The following MYO18A variants were observed in gnomAD, a reference collection of about 807,000 sequenced individuals.
The protein encoded by MYO18A is unconventional myosin-XVIIIa.
A neutral mutation model predicts 235.8 loss-of-function variants in MYO18A; 78 were observed. The observed-to-expected ratio is 0.33, with a 90% CI of 0.28 to 0.40. The LOEUF (loss-of-function observed/expected upper bound fraction) is 0.40. Ranked by LOEUF, MYO18A falls within the 10% of genes least tolerant of loss-of-function variation. The pLI is 1.00. For missense variants in MYO18A, 2,215 were observed against 2,699.3 expected (o/e 0.82, Z 3.98); for synonymous variants, 977 against 1,077.8 (o/e 0.91, Z 1.83).
intron 2 of MYO18A, among the ~76,000 whole-genome samples, chr17:29,136,251 ATAT>A (rs1312838795): frequency 0.27 from 17,464 of 64,960 alleles, 1,353 homozygotes; most frequent in East Asian, 0.51. Flanking sequence ...AAAAAAAAAA[ATAT>A]ATATATATAT....
At chr17:29,093,509 C>T in intron 31 of MYO18A, 82 bp from the exon 32 acceptor site, 1 of 1,078,002 alleles carries the variant, frequency 9.3e-7, no homozygotes, top group Non-Finnish European at 1.4e-6. Flanking sequence ...GGGTTCCCCA[C>T]TCCAGGAAAA....
chr17:29,115,916 T>A, intron 11 of MYO18A, 76 bp from the exon 12 acceptor site: 1 of 1,482,426 alleles, frequency 6.7e-7, no homozygotes, highest in South Asian at 1.3e-5. Flanking sequence ...GACCAGCTGA[T>A]GACTATGCAT....
At chr17:29,079,707 C>T in intron 41 of MYO18A, 1 of 985,952 alleles carries the variant, frequency 1.0e-6, no homozygotes, top group South Asian at 4.7e-5. Flanking sequence ...CATGCTGAAC[C>T]CAGGCCAGGT....
In MYO18A at chr17:29,092,945, G is replaced by T. The variant is rs1249587379; in HGVS notation, c.4983C>A (p.Thr1661=). 1.2e-6 allele frequency: 2 copies of T among 1,613,880 alleles called. No homozygotes were observed. The highest frequency in any genetic ancestry group is 1.7e-5 in the Admixed American group (1 of 60,026). ...GCTGGGCATCTGCCAGCAGGGCCTT[G>T]GTGCGCTTCAGGTCCTTCCGCAGCC... ...EKRLRKDLKR[T]KALLADAQLM... The change falls in exon 33 of 42, where the codon ACC becomes ACA. Residue 1661 remains threonine (T), a synonymous_variant. Transcript: ENST00000527372.
intron 2 of MYO18A, among the ~76,000 whole-genome samples, chr17:29,153,367 T>C (rs575991029): frequency 6.6e-6 from 1 of 152,350 alleles, no homozygotes; most frequent in Non-Finnish European, 1.5e-5. Flanking sequence ...AGTCTTGAAC[T>C]CCTGGGCTCA....
chr17:29,121,339 G>T lies in MYO18A; in HGVS notation c.1372-128C>A. On this transcript the variant is annotated intron_variant, in intron 5 of 41. Coordinates refer to ENST00000527372, the MANE Select transcript of MYO18A (RefSeq NM_078471.4). This position sits in a 1 kb window ranked among gnomAD's most constrained non-coding sequence, Gnocchi z 4.2. ...TAGTGCCCAGGGATTCCAAGGCCAAGGCCATGCATGGAAATGAAGACACTA... is the reference window on the plus strand; with the variant it reads ...TAGTGCCCAGGGATTCCAAGGCCAATGCCATGCATGGAAATGAAGACACTA... 8.6e-7 allele frequency: 1 copy of T among 1,158,944 alleles called. No homozygotes were observed. The highest frequency in any genetic ancestry group is 1.2e-6 in the Non-Finnish European group (1 of 818,968). 71.8% of individuals were successfully genotyped at this position (1,158,944 alleles called of 1,614,324 possible). A position where few individuals can be genotyped will look rare whatever the true frequency, so the allele number is the denominator to read the frequency against.
At chr17:29,082,153 A>G (rs1031106324) in intron 41 of MYO18A, among the ~76,000 whole-genome samples, 163 bp downstream of exon 41, 12 of 152,254 alleles carry the variant, frequency 7.9e-5, no homozygotes, top group African/African-American at 2.9e-4. Flanking sequence ...CCTGGCTAAG[A>G]AGAAACTTCC....
Position 29,087,112 on chromosome 17 carries a change from T to C in MYO18A, c.5536A>G (p.Ser1846Gly), listed in dbSNP as rs2066274255. Residue 1846 changes from serine (S) to glycine (G), a missense_variant, in exon 38 of 42, where the codon AGC becomes GGC. Transcript: ENST00000527372. ...TTCTCCATGTTTTCCTTGAGACGGC[T>C]AGCCAGGCTCTGGATAGGTAGGTGG... ...TQVKRLESLA[S>G]RLKENMEKLT... 6.2e-7 allele frequency: 1 copy of C among 1,613,228 alleles called. No homozygotes were observed. The highest frequency in any genetic ancestry group is 8.5e-7 in the Non-Finnish European group (1 of 1,179,560).
At position 29,085,008 on chromosome 17, in the gene MYO18A, GAGTAA is replaced by G. The variant is rs752449189; in HGVS notation, c.5897+591_5897+595del. Among the ~76,000 whole-genome samples, 8 of 152,200 alleles carry G rather than the reference GAGTAA, an allele frequency of 5.3e-5. No homozygotes were observed. In the South Asian group the frequency reaches 6.2e-4, roughly 12 times the overall value. ...CTCCCTCTGCCCACGGTACCGCAGG[GAGTAA>G]AGTAAACACATCTGGCTGTGTTCCC... is the stretch of plus-strand genomic sequence containing the variant. On this transcript the variant is annotated intron_variant, in intron 40 of 41. Transcript: ENST00000527372.
At chr17:29,096,971 G>T in intron 27 of MYO18A, 56 bp from the exon 28 acceptor site, 1 of 1,480,902 alleles carries the variant, frequency 6.8e-7, no homozygotes. Flanking sequence ...AGGTGGAGAA[G>T]GTGAGGAGAG....
intron 34 of MYO18A, among the ~76,000 whole-genome samples, 189 bp downstream of exon 34, chr17:29,092,154 G>A (rs959791641): frequency 3.9e-5 from 6 of 152,184 alleles, no homozygotes; most frequent in Non-Finnish European, 7.4e-5. Flanking sequence ...GCTCCTCCCC[G>A]AGGCCTCTGC....
At chr17:29,093,477 C>T (rs756399171) in intron 31 of MYO18A, 50 bp from the exon 32 acceptor site, 10 of 1,413,738 alleles carry the variant, frequency 7.1e-6, no homozygotes, top group East Asian at 4.7e-5. Flanking sequence ...GTGCCTGGTG[C>T]GAAGCAGGCC....
intron 41 of MYO18A, chr17:29,080,861 G>A (rs2066103723): frequency 2.0e-6 from 2 of 985,242 alleles, no homozygotes; most frequent in Admixed American, 6.1e-5. Flanking sequence ...GAGGCCGCCC[G>A]CTCGCTCAGG....
chr17:29,142,667 G>A (rs1486193392), intron 2 of MYO18A, among the ~76,000 whole-genome samples: 1 of 152,224 alleles, frequency 6.6e-6, no homozygotes, highest in East Asian at 1.9e-4. Context: ...ATTAAAGTCT[G>A]AGAAGCACGG....
At chr17:29,115,199 T>TA in intron 13 of MYO18A, 100 bp from the exon 14 acceptor site, 1 of 1,443,518 alleles carries the variant, frequency 6.9e-7, no homozygotes, top group Non-Finnish European at 9.4e-7. Flanking sequence ...CCCAGGACCC[T>TA]GGTGGGGAGG....
At chr17:29,127,842 A>T (rs1321732754) in intron 2 of MYO18A, 1 of 985,826 alleles carries the variant, frequency 1.0e-6, no homozygotes, top group Non-Finnish European at 1.2e-6. Flanking sequence ...TTAGTGACAC[A>T]CTCTTGTACC....
chr17:29,135,397 C>G (rs1321467939), intron 2 of MYO18A, among the ~76,000 whole-genome samples: 1 of 152,088 alleles, frequency 6.6e-6, no homozygotes, highest in Non-Finnish European at 1.5e-5. Context: ...CCACCGCGCC[C>G]GGCCAAGAAC....
At position 29,107,149 on chromosome 17, in the gene MYO18A, G is replaced by C; in HGVS notation, c.3372C>G (p.Arg1124=). Residue 1124 remains arginine, a synonymous_variant, in exon 20 of 42, where the codon CGC becomes CGG. Coordinates refer to ENST00000527372, the MANE Select transcript of MYO18A (RefSeq NM_078471.4). ...TCAGGTGCGGGGCCAGGACATCAAA[G>C]CGGCGGCGGAACTCGGAAAACACCA... The part of the protein sequence containing the change: ...DHMVFSEFRR[R]FDVLAPHLTK... 6.2e-7 allele frequency: 1 copy of C among 1,614,018 alleles called. No homozygotes were observed. Among genetic ancestry groups the C allele is most frequent in the South Asian group, 1.1e-5 (1 of 91,088 alleles).
intron 7 of MYO18A, 43 bp from the exon 8 acceptor site, chr17:29,119,478 G>C (rs769532143): frequency 2.7e-6 from 4 of 1,492,018 alleles, no homozygotes; most frequent in Non-Finnish European, 3.7e-6. Context: ...GGTAGTGCCA[G>C]ATCAAGTTTC....
Sources: gnomAD v4.1 joint callset for allele counts (sites outside exome capture counted in the v4.1 genomes callset) on GRCh38, gnomAD v4.1.1 for gene constraint, Gnocchi (gnomAD v3.1) non-coding constraint, MANE v1.5 for transcripts, NCBI Gene and HGNC (gene_info 2026-07-23, HGNC 2026-07-21) for gene names.